The following TLK1 variants were observed in gnomAD, a reference collection of about 807,000 sequenced individuals.
TLK1 encodes tousled like kinase 1.
A neutral mutation model predicts 105.3 loss-of-function variants in TLK1; 24 were observed. The observed-to-expected ratio is 0.23, with a 90% CI of 0.17 to 0.32. The LOEUF (loss-of-function observed/expected upper bound fraction) is 0.32. TLK1 is among the 10% of genes least tolerant of loss of function. The pLI is 1.00. For missense variants in TLK1, 558 were observed against 910.5 expected, an observed-to-expected ratio of 0.61 and a Z score of 4.98; for synonymous variants, 321 against 310.4, an observed-to-expected ratio of 1.03 and a Z score of -0.36.
chr2:171,046,996 T>C (rs1039159691), intron 10 of TLK1, among the ~76,000 whole-genome samples: 3 of 152,108 alleles, frequency 2.0e-5, no homozygotes, highest in Non-Finnish European at 4.4e-5. Flanking sequence ...CAAATTAACC[T>C]TAATATAAGA....
chr2:171,151,287 G>A (rs1211448378), intron 1 of TLK1, among the ~76,000 whole-genome samples: 2 of 151,850 alleles, frequency 1.3e-5, no homozygotes, highest in Admixed American at 1.3e-4. Context: ...CCTAAATGCC[G>A]GGATTACAGG....
At chr2:170,996,538 T>A in intron 20 of TLK1, 115 bp downstream of exon 20, 1 of 742,368 alleles carries the variant, frequency 1.3e-6, no homozygotes, top group Non-Finnish European at 2.2e-6. Context: ...GCTGGACAGA[T>A]CCCCTGCAGC....
chr2:171,118,205 C>T (rs1461240088), intron 1 of TLK1, among the ~76,000 whole-genome samples: 1 of 152,122 alleles, frequency 6.6e-6, no homozygotes. Context: ...CTAGCCTATC[C>T]TAGTCCACTT....
At chr2:171,122,722 C>G (rs1690702800) in intron 1 of TLK1, among the ~76,000 whole-genome samples, 2 of 151,508 alleles carry the variant, frequency 1.3e-5, no homozygotes, top group Non-Finnish European at 2.9e-5. Flanking sequence ...TTGACAAAAT[C>G]CAAGATACAA....
Position 170,997,843 on chromosome 2 carries a change from G to T in TLK1, c.1905-20C>A. 1 of 1,468,472 alleles carries T rather than the reference G, an allele frequency of 6.8e-7. No homozygotes were observed. Among genetic ancestry groups the T allele is most frequent in the South Asian group, 1.3e-5 (1 of 77,554 alleles). The allele number at this position is 1,468,472 out of a possible 1,614,324, so 91.0% of individuals were successfully genotyped here. ...AAATACCTGTAAGTTTTGTGGGAGA[G>T]AAAAAAGGTTACTACTGACAATCTG... On this transcript the variant is annotated intron_variant, in intron 18 of 20. Coordinates refer to ENST00000431350, the MANE Select transcript of TLK1 (RefSeq NM_012290.5).
Position 171,182,754 on chromosome 2 carries a change from A to G in TLK1, c.-6+48391T>C, listed in dbSNP as rs73017272. On this transcript the variant is annotated intron_variant, in intron 1 of 20. Transcript: ENST00000521943. ...GGACAACACAGTGAGACCCTATCAC[A>G]ACAAAAAATTAAAAAATTAGCCAGG... Among the ~76,000 whole-genome samples the G allele has an allele frequency of 3.4e-3, 509 of 151,856 alleles. 3 individuals are homozygous for G. Among genetic ancestry groups the G allele is most frequent in the African/African-American group, 0.012 (490 of 41,346 alleles).
intron 8 of TLK1, among the ~76,000 whole-genome samples, chr2:171,051,883 G>A (rs1161970227): frequency 1.3e-5 from 2 of 152,152 alleles, no homozygotes; most frequent in African/African-American, 2.4e-5. Context: ...ATTAAATGGG[G>A]ATGAACAACT....
intron 4 of TLK1, among the ~76,000 whole-genome samples, chr2:171,060,432 T>C (rs1288612476): frequency 6.6e-6 from 1 of 152,148 alleles, no homozygotes. Context: ...CAGTGCCCTA[T>C]ATACACCAGT....
At chr2:171,222,460 A>G (rs138783737) in intron 1 of TLK1, among the ~76,000 whole-genome samples, 8 of 152,118 alleles carry the variant, frequency 5.3e-5, no homozygotes, top group Admixed American at 3.3e-4. Flanking sequence ...CCTGCCCAGG[A>G]GCTAGAACCA....
intron 1 of TLK1, among the ~76,000 whole-genome samples, chr2:171,156,186 T>TTC (rs1489371759): frequency 6.6e-6 from 1 of 152,230 alleles, no homozygotes; most frequent in Non-Finnish European, 1.5e-5. Flanking sequence ...TGAAGCTGGA[T>TTC]TCTCTTCACA....
intron 3 of TLK1, among the ~76,000 whole-genome samples, chr2:171,065,828 C>A (rs1203113996): frequency 6.6e-6 from 1 of 152,188 alleles, no homozygotes; most frequent in Non-Finnish European, 1.5e-5. Flanking sequence ...TGAGCCACTG[C>A]GCCCAGCCCT....
intron 1 of TLK1, among the ~76,000 whole-genome samples, chr2:171,151,842 A>C (rs187492011): frequency 3.3e-5 from 5 of 152,360 alleles, no homozygotes; most frequent in Non-Finnish European, 5.9e-5. Flanking sequence ...AGTAGTATAC[A>C]AAGTTGAACT....
chr2:171,108,126 G>C (rs1372503165), intron 2 of TLK1, among the ~76,000 whole-genome samples: 1 of 149,980 alleles, frequency 6.7e-6, no homozygotes, highest in Non-Finnish European at 1.5e-5. Flanking sequence ...ATACCAGAGA[G>C]ACACAGTAAA....
intron 11 of TLK1, among the ~76,000 whole-genome samples, chr2:171,029,274 C>T (rs1216362819): frequency 6.6e-6 from 1 of 152,126 alleles, no homozygotes; most frequent in Admixed American, 6.6e-5. Context: ...TTTTTCCTTT[C>T]CCTGCTTCAG....
intron 1 of TLK1, among the ~76,000 whole-genome samples, chr2:171,217,027 G>A (rs1315603513): frequency 6.6e-6 from 1 of 152,082 alleles, no homozygotes; most frequent in African/African-American, 2.4e-5. Context: ...GGCAGCCCTA[G>A]GAAACTGATA....
At chr2:171,072,020 G>A (rs1334959237) in intron 3 of TLK1, among the ~76,000 whole-genome samples, 1 of 152,202 alleles carries the variant, frequency 6.6e-6, no homozygotes, top group African/African-American at 2.4e-5. Flanking sequence ...ATAATTTGAA[G>A]TCAGGTAATG....
intron 12 of TLK1, among the ~76,000 whole-genome samples, chr2:171,025,225 C>G (rs1177288392): frequency 6.6e-6 from 1 of 152,016 alleles, no homozygotes; most frequent in Non-Finnish European, 1.5e-5. Context: ...ATGATTTATT[C>G]AAAGGTAAAT....
chr2:171,071,313 A>T (rs569690322), intron 3 of TLK1, among the ~76,000 whole-genome samples: 10 of 149,674 alleles, frequency 6.7e-5, no homozygotes, highest in African/African-American at 2.5e-4. Flanking sequence ...TTTGACATGG[A>T]GTCTCGCTCT....
chr2:171,096,364 T>A (rs1254532507), intron 2 of TLK1, among the ~76,000 whole-genome samples: 1 of 151,872 alleles, frequency 6.6e-6, no homozygotes, highest in Non-Finnish European at 1.5e-5. Context: ...TTTTTTAAAA[T>A]CCCACACAAA....
Sources: allele counts gnomAD v4.1 joint callset (sites outside exome capture counted in the v4.1 genomes callset), GRCh38; gene constraint gnomAD v4.1.1; transcripts MANE v1.5; gene names NCBI Gene and HGNC (gene_info 2026-07-23, HGNC 2026-07-21).